Variants in PARD3 observed in about 807,000 individuals in gnomAD.
The protein encoded by PARD3 is par-3 family cell polarity regulator.
A neutral mutation model predicts 155.4 loss-of-function variants in PARD3; 75 were observed. That is an observed-to-expected ratio of 0.48 (90% CI 0.40 to 0.58). The LOEUF is 0.58. PARD3 is among the 20% of genes least tolerant of loss of function. The pLI is 0.00. For missense variants in PARD3, 1,642 were observed against 1,721.7 expected (o/e 0.95, Z 0.82); for synonymous variants, 576 against 610.5 (o/e 0.94, Z 0.83).
intron 5 of PARD3, among the ~76,000 whole-genome samples, chr10:34,443,004 G>C (rs1416543520): frequency 1.3e-5 from 2 of 151,386 alleles, no homozygotes; most frequent in Non-Finnish European, 2.9e-5. Flanking sequence ...GAAAAGGCTA[G>C]TAAGCACTTG....
chr10:34,460,864 G>T (rs2077606379), intron 4 of PARD3, among the ~76,000 whole-genome samples: 1 of 151,826 alleles, frequency 6.6e-6, no homozygotes, highest in Non-Finnish European at 1.5e-5. Flanking sequence ...AAATAAAATG[G>T]GTACAGCAAC....
At chr10:34,221,685 A>T (rs536656615) in intron 22 of PARD3, among the ~76,000 whole-genome samples, 19 of 152,300 alleles carry the variant, frequency 1.2e-4, no homozygotes, top group Admixed American at 7.2e-4. Context: ...TACACCAAAG[A>T]TGACATAGAA....
intron 1 of PARD3, among the ~76,000 whole-genome samples, chr10:34,741,815 G>A (rs1366527748): frequency 6.6e-6 from 1 of 152,128 alleles, no homozygotes; most frequent in Non-Finnish European, 1.5e-5. Context: ...ATACAACACA[G>A]AAAAATTAAC....
intron 2 of PARD3, among the ~76,000 whole-genome samples, chr10:34,609,837 G>A (rs145171148): frequency 2.0e-3 from 308 of 152,210 alleles, no homozygotes; most frequent in African/African-American, 6.7e-3. Flanking sequence ...TCTCTTGATC[G>A]TGTTTTTAAA....
chr10:34,240,158 C>T (rs903867593), intron 22 of PARD3, among the ~76,000 whole-genome samples: 3 of 152,086 alleles, frequency 2.0e-5, no homozygotes, highest in African/African-American at 4.8e-5. Context: ...GCAACTTGAT[C>T]GAGATAAATC....
intron 2 of PARD3, among the ~76,000 whole-genome samples, chr10:34,573,466 C>A (rs996824586): frequency 2.0e-5 from 3 of 152,042 alleles, no homozygotes; most frequent in Non-Finnish European, 4.4e-5. Flanking sequence ...CTTTGGGAGG[C>A]CAAGGTGGGT....
intron 5 of PARD3, among the ~76,000 whole-genome samples, chr10:34,437,805 A>G (rs2076262133): frequency 6.6e-6 from 1 of 152,210 alleles, no homozygotes; most frequent in African/African-American, 2.4e-5. Flanking sequence ...TTGTTCAAAT[A>G]TTGTTTTTCC....
chr10:34,331,211 G>C lies in PARD3; in HGVS notation c.2739C>G (p.Ile913Met). ...AGCTCTCATTGCATCCCCTGCCTCT[G>C]ATTATCCGCGGCCGTGGACGATGGA... ...IPFHRPRPRIIRGRGCNESFR... is the reference protein window; with the variant it reads ...IPFHRPRPRIMRGRGCNESFR... The change falls in exon 19 of 25, where the codon ATC becomes ATG. Residue 913 changes from isoleucine (I) to methionine (M), a missense_variant. Transcript: ENST00000374788. The C allele has an allele frequency of 6.2e-7, 1 of 1,614,006 alleles. No individual in the cohort carries two copies. Among genetic ancestry groups the C allele is most frequent in the Non-Finnish European group, 8.5e-7 (1 of 1,179,980 alleles).
At chr10:34,533,970 G>A (rs1347539811) in intron 2 of PARD3, among the ~76,000 whole-genome samples, 1 of 152,066 alleles carries the variant, frequency 6.6e-6, no homozygotes, top group Admixed American at 6.6e-5. Flanking sequence ...CATTCAGTAC[G>A]TCGGCAAGAG....
At chr10:34,559,286 A>AAACTGTTGTG (rs1208149036) in intron 2 of PARD3, among the ~76,000 whole-genome samples, 1 of 152,150 alleles carries the variant, frequency 6.6e-6, no homozygotes, top group Admixed American at 6.5e-5. Context: ...AATTGATACA[A>AAACTGTTGTG]AACTGTTGTG....
chr10:34,179,703 C>A (rs569923897), intron 22 of PARD3, among the ~76,000 whole-genome samples: 2 of 152,280 alleles, frequency 1.3e-5, no homozygotes, highest in South Asian at 4.1e-4. Flanking sequence ...CGAAGCTACA[C>A]AACATGCATA....
In PARD3 at chr10:34,763,222, G is replaced by T. The variant is rs140855812; in HGVS notation, c.120+51654C>A. On this transcript the variant is annotated intron_variant, in intron 1 of 24. Transcript: ENST00000374788. ...TCTTCAATATCTAAAGGTCCCACCA[G>T]ACACTCGGGTCAGAAATTTGTCTAT... Among the ~76,000 whole-genome samples the T allele has an allele frequency of 4.0e-3, 607 of 152,334 alleles. 3 individuals carry two copies. The highest frequency in any genetic ancestry group is 0.013 in the African/African-American group (561 of 41,574).
intron 3 of PARD3, among the ~76,000 whole-genome samples, chr10:34,503,288 T>G (rs530501318): frequency 6.6e-6 from 1 of 152,294 alleles, no homozygotes; most frequent in Admixed American, 6.5e-5. Context: ...TGGCTCAAAA[T>G]GACATTTTAA....
At chr10:34,229,132 A>G (rs1225622029) in intron 22 of PARD3, among the ~76,000 whole-genome samples, 1 of 152,048 alleles carries the variant, frequency 6.6e-6, no homozygotes, top group East Asian at 1.9e-4. Flanking sequence ...AGCCAATGGG[A>G]TCACCAAGCC....
intron 20 of PARD3, among the ~76,000 whole-genome samples, chr10:34,286,646 G>A (rs1450235783): frequency 6.6e-6 from 1 of 152,206 alleles, no homozygotes; most frequent in Non-Finnish European, 1.5e-5. Context: ...AAAAAGAGAA[G>A]GCAGCAGGAA....
chr10:34,219,361 T>C (rs1448058807), intron 22 of PARD3, among the ~76,000 whole-genome samples: 1 of 152,202 alleles, frequency 6.6e-6, no homozygotes, highest in African/African-American at 2.4e-5. Flanking sequence ...AAAAAAATGG[T>C]TCCATTTATT....
intron 1 of PARD3, among the ~76,000 whole-genome samples, chr10:34,782,093 T>C (rs2134174811): frequency 6.6e-6 from 1 of 151,758 alleles, no homozygotes; most frequent in Non-Finnish European, 1.5e-5. Context: ...TTGACCCAAT[T>C]TTAACCATCT....
intron 2 of PARD3, among the ~76,000 whole-genome samples, chr10:34,650,028 G>C (rs2092958027): frequency 6.6e-6 from 1 of 152,186 alleles, no homozygotes; most frequent in Non-Finnish European, 1.5e-5. Context: ...GGGCTTCAGA[G>C]GTGACAGCAC....
At chr10:34,245,252 G>A (rs940935518) in intron 22 of PARD3, among the ~76,000 whole-genome samples, 1 of 152,104 alleles carries the variant, frequency 6.6e-6, no homozygotes, top group African/African-American at 2.4e-5. Context: ...GCAGCAGGGC[G>A]TTCCACACTG....
Sources: allele counts gnomAD v4.1 joint callset (sites outside exome capture counted in the v4.1 genomes callset), GRCh38; gene constraint gnomAD v4.1.1; transcripts MANE v1.5; gene names NCBI Gene and HGNC (gene_info 2026-07-23, HGNC 2026-07-21).